TMEFF1: variants seen among roughly 807,000 people sequenced by gnomAD.
The protein encoded by TMEFF1 is transmembrane protein with EGF like and two follistatin like domains 1, also known as tomoregulin-1.
In TMEFF1, 20 loss-of-function variants were observed where a neutral mutation model predicts 47.5. The observed-to-expected ratio is 0.42, with a 90% confidence interval of 0.30 to 0.61. The LOEUF (loss-of-function observed/expected upper bound fraction) is 0.61. TMEFF1 is among the 20% of genes least tolerant of loss of function. TMEFF1 has a pLI of 0.19. For missense variants in TMEFF1, 411 were observed against 471.1 expected (o/e 0.87, Z 1.18); for synonymous variants, 162 against 166.3 (o/e 0.97, Z 0.20).
chr9:100,563,606 T>C (rs1839063847), intron 8 of TMEFF1, among the ~76,000 whole-genome samples: 1 of 152,246 alleles, frequency 6.6e-6, no homozygotes, highest in African/African-American at 2.4e-5. Context: ...ACCTATCTCA[T>C]GTTGTTAAAA....
At chr9:100,545,387 C>A (rs1291175357) in intron 5 of TMEFF1, among the ~76,000 whole-genome samples, 1 of 152,214 alleles carries the variant, frequency 6.6e-6, no homozygotes. Flanking sequence ...GGCTTGTACC[C>A]TCTGAAGCCA....
intron 5 of TMEFF1, among the ~76,000 whole-genome samples, chr9:100,539,359 C>G (rs1253633093): frequency 6.6e-6 from 1 of 152,182 alleles, no homozygotes; most frequent in Non-Finnish European, 1.5e-5. Flanking sequence ...GTCTCACCAA[C>G]TTCAAGAATG....
intron 5 of TMEFF1, among the ~76,000 whole-genome samples, chr9:100,547,173 G>T (rs1030977650): frequency 1.3e-5 from 2 of 152,010 alleles, no homozygotes; most frequent in Non-Finnish European, 2.9e-5. Context: ...ACACCACTGT[G>T]CCTGGCTAAG....
At chr9:100,527,980 C>A (rs1838299169) in intron 5 of TMEFF1, among the ~76,000 whole-genome samples, 1 of 152,100 alleles carries the variant, frequency 6.6e-6, no homozygotes. Flanking sequence ...AGCAGGGGCA[C>A]ACTGACACCT....
At chr9:100,481,255 C>T (rs979066354) in intron 1 of TMEFF1, among the ~76,000 whole-genome samples, 2 of 152,150 alleles carry the variant, frequency 1.3e-5, no homozygotes, top group African/African-American at 4.8e-5. Context: ...CTGTATGTAG[C>T]TCTATGAAGG....
chr9:100,506,013 A>G (rs1009911511), intron 2 of TMEFF1, among the ~76,000 whole-genome samples: 5 of 152,224 alleles, frequency 3.3e-5, no homozygotes, highest in African/African-American at 1.2e-4. Flanking sequence ...AGGAATATAT[A>G]TAATAGGGAG....
intron 5 of TMEFF1, among the ~76,000 whole-genome samples, chr9:100,525,510 C>G (rs1838238435): frequency 2.1e-5 from 3 of 141,844 alleles, no homozygotes; most frequent in Non-Finnish European, 4.7e-5. Flanking sequence ...GCGTCTGTCC[C>G]CATGGAGTCA....
intron 1 of TMEFF1, among the ~76,000 whole-genome samples, chr9:100,480,171 T>C (rs34390257): frequency 0.025 from 3,875 of 152,306 alleles, 64 homozygotes; most frequent in Middle Eastern, 0.034. Flanking sequence ...ATATCTTCTT[T>C]GGAGAAATGT....
Position 100,473,554 on chromosome 9 carries a change from G to C in TMEFF1, c.10G>C (p.Ala4Pro). 6.6e-7 allele frequency: 1 copy of C among 1,523,126 alleles called. No individual in the cohort carries two copies. Among genetic ancestry groups the C allele is most frequent in the East Asian group, 2.6e-5 (1 of 38,506 alleles). 94.4% of individuals were successfully genotyped at this position (1,523,126 alleles called of 1,614,324 possible). A position where few individuals can be genotyped will look rare whatever the true frequency, so the allele number is the denominator to read the frequency against. The change falls in exon 1 of 10, where the codon GCA becomes CCA. Residue 4 changes from alanine to proline, a missense_variant. Transcript: ENST00000374879. This position sits in a 1 kb window ranked among gnomAD's most constrained non-coding sequence, Gnocchi z 5.4. MGA[A>P]AAEAPLRLPA... Reference sequence around the variant, plus strand: ...TCCAGGGGCACCAGTCATGGGCGCCGCAGCCGCTGAGGCGCCGCTCCGGCT... The same window carrying C: ...TCCAGGGGCACCAGTCATGGGCGCCCCAGCCGCTGAGGCGCCGCTCCGGCT...
intron 5 of TMEFF1, among the ~76,000 whole-genome samples, chr9:100,523,595 T>A (rs1838206112): frequency 6.6e-6 from 1 of 152,354 alleles, no homozygotes; most frequent in East Asian, 1.9e-4. Context: ...TAGCGTTGAA[T>A]TTGTTGCAGG....
In TMEFF1 at chr9:100,529,802, C is replaced by A. The variant is rs1185747313; in HGVS notation, c.560+13031C>A. On this transcript the variant is annotated intron_variant, in intron 5 of 9. Coordinates refer to ENST00000374879, the MANE Select transcript of TMEFF1 (RefSeq NM_003692.5). ...CAACAGAATATACATTTTTTTCAGC[C>A]CCACACCACACCTATTCCAAAATTG... Among the ~76,000 whole-genome samples the A allele has an allele frequency of 8.5e-5, 13 of 152,136 alleles. No individual in the cohort carries two copies. In the South Asian group the frequency reaches 2.1e-3, roughly 24 times the overall value.
intron 5 of TMEFF1, among the ~76,000 whole-genome samples, chr9:100,541,796 A>G (rs1032134087): frequency 6.6e-6 from 1 of 152,086 alleles, no homozygotes; most frequent in African/African-American, 2.4e-5. Context: ...TTATGAAGGG[A>G]TTTTCTTTAA....
At chr9:100,560,277 A>G (rs1378928042) in intron 7 of TMEFF1, among the ~76,000 whole-genome samples, 2 of 152,252 alleles carry the variant, frequency 1.3e-5, no homozygotes, top group South Asian at 2.1e-4. Flanking sequence ...TGCATGAAGT[A>G]TAGGTCCTAT....
At chr9:100,563,357 C>T (rs536475569) in intron 8 of TMEFF1, among the ~76,000 whole-genome samples, 4 of 152,242 alleles carry the variant, frequency 2.6e-5, no homozygotes, top group Non-Finnish European at 5.9e-5. Context: ...TAGGATGGTG[C>T]GTCTTTCAAG....
chr9:100,566,237 G>A (rs917072383), intron 8 of TMEFF1, among the ~76,000 whole-genome samples: 2 of 152,102 alleles, frequency 1.3e-5, no homozygotes, highest in African/African-American at 2.4e-5. Context: ...TACAGATTCT[G>A]TCCAGTCTCA....
At chr9:100,527,521 C>G (rs959553367) in intron 5 of TMEFF1, among the ~76,000 whole-genome samples, 3 of 152,210 alleles carry the variant, frequency 2.0e-5, no homozygotes, top group Admixed American at 2.0e-4. Flanking sequence ...CCGAATACTG[C>G]GCTTTTCCGA....
intron 6 of TMEFF1, 92 bp from the exon 7 acceptor site, chr9:100,550,002 GA>G: frequency 6.9e-7 from 1 of 1,438,878 alleles, no homozygotes; most frequent in South Asian, 1.4e-5. Context: ...CAGAGGTTAA[GA>G]AGAACTTGGA....
At position 100,494,553 on chromosome 9, in the gene TMEFF1, C is replaced by T. The variant is rs192439981; in HGVS notation, c.197-4212C>T. On this transcript the variant is annotated intron_variant, in intron 1 of 9. Transcript: ENST00000374879. ...CTGTCTTGCTCCTGGTCTTTCTGGT[C>T]TGTCATCTTTTGGCTGCTGCAACTT... is the stretch of plus-strand genomic sequence containing the variant. Among the ~76,000 whole-genome samples the T allele has an allele frequency of 4.6e-5, 7 of 152,238 alleles. No homozygotes were observed. In the East Asian group the frequency reaches 1.3e-3, roughly 29 times the overall value.
chr9:100,475,372 C>A (rs1837203453), intron 1 of TMEFF1, among the ~76,000 whole-genome samples: 1 of 152,070 alleles, frequency 6.6e-6, no homozygotes, highest in Admixed American at 6.6e-5. Flanking sequence ...CGTGAAAAAA[C>A]TTTTCTGTTA....
Sources: allele counts gnomAD v4.1 joint callset (sites outside exome capture counted in the v4.1 genomes callset), GRCh38; gene constraint gnomAD v4.1.1; non-coding constraint Gnocchi (gnomAD v3.1); transcripts MANE v1.5; gene names NCBI Gene and HGNC (gene_info 2026-07-23, HGNC 2026-07-21).